Variants in MSN observed in about 807,000 individuals in gnomAD.
The protein encoded by MSN is moesin.
A neutral mutation model predicts 48.0 loss-of-function variants in MSN; 2 were observed. The observed-to-expected ratio is 0.04, with a 90% CI of 0.02 to 0.13. The LOEUF (loss-of-function observed/expected upper bound fraction) is 0.13, where lower values mean the gene tolerates loss of function less well. MSN is among the 10% of genes least tolerant of loss of function. MSN has a pLI of 1.00. For missense variants in MSN, 267 were observed against 470.1 expected (o/e 0.57, Z 3.99); for synonymous variants, 146 against 166.9 (o/e 0.87, Z 0.97).
At chrX:65,669,058 GC>G (rs1199884470) in intron 1 of MSN, among the ~76,000 whole-genome samples, 1 of 111,736 alleles carries the variant, frequency 8.9e-6, no homozygotes, top group Non-Finnish European at 1.9e-5. Flanking sequence ...CAGCCTCACT[GC>G]CAAGTCGTTC....
At chrX:65,667,388 G>A (rs1478566348), upstream of MSN, among the ~76,000 whole-genome samples, 1 of 110,436 alleles carries the variant, frequency 9.1e-6, no homozygotes, top group African/African-American at 3.3e-5. Flanking sequence ...AGTGGGGGTG[G>A]GGCTGGAAGG....
intron 1 of MSN, among the ~76,000 whole-genome samples, chrX:65,604,012 A>G (rs748783441): frequency 8.9e-6 from 1 of 112,298 alleles, no homozygotes; most frequent in Non-Finnish European, 1.9e-5. Context: ...GTGCCAGGCA[A>G]CTGGTTTAGG....
At position 65,735,525 on chromosome X, in the gene MSN, A is replaced by T. The variant is rs1240174664; in HGVS notation, c.959+95A>T. The T allele has an allele frequency of 7.5e-6, 7 of 938,814 alleles. No homozygotes were observed. The Admixed American group carries it at 2.3e-4, about 31-fold the overall frequency. The allele number at this position is 938,814 out of a possible 1,213,427, so 77.4% of individuals were successfully genotyped here. On this transcript the variant is annotated intron_variant, in intron 8 of 12. Transcript: ENST00000360270. ...CTAAGTCAGGACATGAGGCCAACCT[A>T]GGACTTCATAGATGAGAGGTTAGAC...
At chrX:65,613,233 C>T (rs1027777251) in intron 1 of MSN, among the ~76,000 whole-genome samples, 2 of 114,042 alleles carry the variant, frequency 1.8e-5, no homozygotes, top group African/African-American at 6.4e-5. Flanking sequence ...GCATAGTATT[C>T]CATTGTGTAT....
At chrX:65,658,379 C>T (rs771182176) in intron 1 of MSN, among the ~76,000 whole-genome samples, 17 of 111,944 alleles carry the variant, frequency 1.5e-4, no homozygotes, top group Admixed American at 1.1e-3. Context: ...GTCTCTGACA[C>T]ATTTCTCTTC....
chrX:65,595,170 G>A (rs1366659620), intron 1 of MSN, among the ~76,000 whole-genome samples: 1 of 112,174 alleles, frequency 8.9e-6, no homozygotes, highest in Non-Finnish European at 1.9e-5. Context: ...TCTGAGGAGG[G>A]AAGGGAGTAG....
chrX:65,627,242 A>ACATATGTATTAGTC (rs1417218950), intron 1 of MSN, among the ~76,000 whole-genome samples: 2 of 109,666 alleles, frequency 1.8e-5, no homozygotes, highest in African/African-American at 6.6e-5. Context: ...GATTTAACTG[A>ACATATGTATTAGTC]CATATGTATT....
intron 1 of MSN, among the ~76,000 whole-genome samples, chrX:65,635,952 T>C (rs1051135974): frequency 2.7e-4 from 30 of 112,234 alleles, no homozygotes; most frequent in African/African-American, 9.7e-4. Flanking sequence ...TATCACTCCT[T>C]AAATATTTAT....
chrX:65,675,278 G>C (rs1293325473), intron 1 of MSN, among the ~76,000 whole-genome samples: 1 of 111,762 alleles, frequency 8.9e-6, no homozygotes, highest in Non-Finnish European at 1.9e-5. Context: ...AACGGCTTGA[G>C]AAAAATATAT....
rs142312550 is a variant in MSN, at chrX:65,704,855, C to T, written c.13-11963C>T. On this transcript the variant is annotated intron_variant, in intron 1 of 12. Coordinates refer to ENST00000360270, the MANE Select transcript of MSN (RefSeq NM_002444.3). The stretch of plus-strand genomic sequence containing the variant: ...CGCAATCTTGGCTCACTGCAATCTC[C>T]GCTTCCCGGGTTCAAGCAATTTTCC... 7.5e-3 allele frequency among the ~76,000 whole-genome samples: 808 copies of T among 107,457 alleles called. 9 individuals are homozygous for T. The highest frequency in any genetic ancestry group is 0.027 in the African/African-American group (778 of 29,266). The allele number at this position is 107,457 out of a possible 115,157, so 93.3% of individuals were successfully genotyped here.
At chrX:65,627,050 C>T (rs929902906) in intron 1 of MSN, among the ~76,000 whole-genome samples, 2 of 110,955 alleles carry the variant, frequency 1.8e-5, no homozygotes, top group African/African-American at 6.6e-5. Context: ...CCTTTTTTCC[C>T]TTTTTTCCTT....
At chrX:65,648,445 T>C (rs984727722) in intron 1 of MSN, among the ~76,000 whole-genome samples, 8 of 111,372 alleles carry the variant, frequency 7.2e-5, no homozygotes, top group African/African-American at 2.6e-4. Flanking sequence ...CTCAGCTACT[T>C]GGGAGGCTGA....
intron 1 of MSN, among the ~76,000 whole-genome samples, chrX:65,612,900 A>G (rs1339300897): frequency 1.9e-5 from 2 of 104,241 alleles, no homozygotes; most frequent in Non-Finnish European, 3.9e-5. Flanking sequence ...TTTTATATAT[A>G]CTTTAAGTTC....
intron 3 of MSN, 61 bp from the exon 4 acceptor site, chrX:65,729,377 C>T: frequency 8.8e-7 from 1 of 1,141,389 alleles, no homozygotes; most frequent in Non-Finnish European, 1.2e-6. Flanking sequence ...CCCCACCCTA[C>T]AGCCACTCCA....
At chrX:65,691,192 T>C (rs1469100149) in intron 1 of MSN, among the ~76,000 whole-genome samples, 2 of 112,150 alleles carry the variant, frequency 1.8e-5, no homozygotes, top group Non-Finnish European at 3.8e-5. Context: ...CTTGAAGTAG[T>C]ACTTGGCATA....
At chrX:65,667,381 G>C (rs1459336381), upstream of MSN, among the ~76,000 whole-genome samples, 1 of 110,999 alleles carries the variant, frequency 9.0e-6, no homozygotes, top group Non-Finnish European at 1.9e-5. Flanking sequence ...GGCCCTGAGT[G>C]GGGGTGGGGC....
intron 1 of MSN, among the ~76,000 whole-genome samples, chrX:65,696,903 ACT>A (rs773177938): frequency 9.1e-6 from 1 of 110,098 alleles, no homozygotes; most frequent in South Asian, 4.0e-4. Flanking sequence ...CCACCAAGAG[ACT>A]CTTCCAAAAC....
chrX:65,703,998 G>A (rs1242268792), intron 1 of MSN, among the ~76,000 whole-genome samples: 2 of 112,282 alleles, frequency 1.8e-5, no homozygotes, highest in Non-Finnish European at 3.8e-5. Context: ...GTTTGGATCA[G>A]CTCCAGTGTG....
chrX:65,720,507 G>GCAGGT (rs1337189495), intron 2 of MSN, among the ~76,000 whole-genome samples: 1 of 112,351 alleles, frequency 8.9e-6, no homozygotes, highest in Non-Finnish European at 1.9e-5. Context: ...TGAGGCCAAG[G>GCAGGT]CAGGTCAGGT....
Sources: allele counts gnomAD v4.1 joint callset (sites outside exome capture counted in the v4.1 genomes callset), GRCh38; gene constraint gnomAD v4.1.1; transcripts MANE v1.5; gene names NCBI Gene and HGNC (gene_info 2026-07-23, HGNC 2026-07-21).